FHIP1A: variants seen among roughly 807,000 people sequenced by gnomAD.
FHIP1A encodes FHF complex subunit HOOK-interacting protein 1A.
Under a neutral mutation model 88.6 loss-of-function variants are expected in FHIP1A, and 61 were observed. The observed-to-expected ratio is 0.69, with a 90% CI of 0.56 to 0.85. The LOEUF is 0.85. Among genes scored for constraint, FHIP1A ranks in the 40% least tolerant of loss-of-function variants. The pLI is 0.00. For missense variants in FHIP1A, 1,154 were observed against 1,273.5 expected (o/e 0.91, Z 1.43); for synonymous variants, 478 against 496.0 (o/e 0.96, Z 0.48).
At chr4:151,648,163 G>A (rs1235736349) in intron 10 of FHIP1A, among the ~76,000 whole-genome samples, 1 of 152,166 alleles carries the variant, frequency 6.6e-6, no homozygotes, top group Non-Finnish European at 1.5e-5. Context: ...CTTAGGTTCT[G>A]CATCTTGGTT....
At chr4:151,497,319 G>A (rs1351697371) in intron 3 of FHIP1A, among the ~76,000 whole-genome samples, 8 of 152,154 alleles carry the variant, frequency 5.3e-5, no homozygotes, top group Non-Finnish European at 8.8e-5. Flanking sequence ...TATTCGAAGA[G>A]TGGGAATTAG....
chr4:151,424,591 C>G (rs762060075), intron 1 of FHIP1A, among the ~76,000 whole-genome samples: 26 of 152,126 alleles, frequency 1.7e-4, no homozygotes, highest in Non-Finnish European at 3.1e-4. Context: ...CTAAGGACTA[C>G]ATCAGATTGA....
At chr4:151,544,520 G>A (rs906193240) in intron 3 of FHIP1A, among the ~76,000 whole-genome samples, 1 of 152,160 alleles carries the variant, frequency 6.6e-6, no homozygotes, top group African/African-American at 2.4e-5. Flanking sequence ...CTTCCCAGGT[G>A]CCACTGTTTA....
At chr4:151,629,903 C>A (rs773868474) in intron 8 of FHIP1A, 34 bp downstream of exon 8, 1 of 1,518,862 alleles carries the variant, frequency 6.6e-7, no homozygotes, top group South Asian at 1.2e-5. Context: ...GAACTTACAA[C>A]TCAGAACAGA....
intron 4 of FHIP1A, among the ~76,000 whole-genome samples, chr4:151,567,734 T>C (rs558146638): frequency 3.3e-5 from 5 of 152,324 alleles, no homozygotes; most frequent in African/African-American, 1.2e-4. Flanking sequence ...TGTTTTGTGT[T>C]TAAAACGTAC....
intron 7 of FHIP1A, among the ~76,000 whole-genome samples, chr4:151,626,143 C>T (rs1197639685): frequency 6.6e-6 from 1 of 152,146 alleles, no homozygotes; most frequent in Non-Finnish European, 1.5e-5. Flanking sequence ...AATATGTATA[C>T]ACAAGTTTGA....
chr4:151,589,980 A>G (rs1421140765), intron 7 of FHIP1A, among the ~76,000 whole-genome samples: 1 of 152,240 alleles, frequency 6.6e-6, no homozygotes, highest in East Asian at 1.9e-4. Flanking sequence ...TTAGTAGTTT[A>G]TGGGCACAAA....
chr4:151,424,011 T>C (rs1733272596), intron 1 of FHIP1A, among the ~76,000 whole-genome samples: 1 of 152,086 alleles, frequency 6.6e-6, no homozygotes, highest in African/African-American at 2.4e-5. Context: ...AGAAGTGAGG[T>C]AGTTCTCAGG....
Position 151,585,196 on chromosome 4 carries a change from C to G in FHIP1A, c.733-1445C>G, listed in dbSNP as rs185461927. ...TTGTAGCTGGCTTTTTTTTTTCTTTCGAGGCACTCCAGCTCTGTCGGCCAG... is the reference window on the plus strand; with the variant it reads ...TTGTAGCTGGCTTTTTTTTTTCTTTGGAGGCACTCCAGCTCTGTCGGCCAG... On this transcript the variant is annotated intron_variant, in intron 5 of 13. Transcript: ENST00000435205. 5.3e-3 allele frequency among the ~76,000 whole-genome samples: 793 copies of G among 150,482 alleles called. 4 individuals are homozygous for G. The highest frequency in any genetic ancestry group is 8.0e-3 in the Non-Finnish European group (538 of 67,668).
intron 3 of FHIP1A, among the ~76,000 whole-genome samples, chr4:151,506,847 C>G (rs1480842547): frequency 6.6e-6 from 1 of 152,042 alleles, no homozygotes; most frequent in Non-Finnish European, 1.5e-5. Flanking sequence ...AAATATGAAA[C>G]CAGTTATGTA....
chr4:151,659,819 C>T (rs1737385751), intron 13 of FHIP1A, among the ~76,000 whole-genome samples: 1 of 152,206 alleles, frequency 6.6e-6, no homozygotes, highest in South Asian at 2.1e-4. Context: ...ATGCTTCCAA[C>T]AGCAGTAAAA....
At chr4:151,494,713 A>C (rs765808707) in intron 3 of FHIP1A, among the ~76,000 whole-genome samples, 1 of 152,176 alleles carries the variant, frequency 6.6e-6, no homozygotes, top group Admixed American at 6.5e-5. Flanking sequence ...GAAGAATGTC[A>C]TTGGTAGTTT....
At chr4:151,551,414 C>T (rs1338077009) in intron 3 of FHIP1A, among the ~76,000 whole-genome samples, 2 of 152,186 alleles carry the variant, frequency 1.3e-5, no homozygotes, top group Non-Finnish European at 2.9e-5. Flanking sequence ...GGAGACATCA[C>T]ACTACCTGAC....
intron 3 of FHIP1A, among the ~76,000 whole-genome samples, chr4:151,550,606 T>A (rs1050853968): frequency 6.6e-5 from 10 of 152,194 alleles, no homozygotes; most frequent in Admixed American, 6.5e-4. Context: ...CTAGCAAAGG[T>A]AATATTCTTT....
At chr4:151,556,814 A>G (rs991334976) in intron 3 of FHIP1A, among the ~76,000 whole-genome samples, 2 of 152,178 alleles carry the variant, frequency 1.3e-5, no homozygotes. Flanking sequence ...CCGCTCTCAT[A>G]GTGTGGGTAT....
At chr4:151,467,078 C>T (rs1000164007) in intron 2 of FHIP1A, among the ~76,000 whole-genome samples, 28 of 152,176 alleles carry the variant, frequency 1.8e-4, no homozygotes, top group South Asian at 2.1e-4. Context: ...GCAGTCTACT[C>T]ATCTGACAAA....
At chr4:151,496,155 T>C (rs1338802821) in intron 3 of FHIP1A, among the ~76,000 whole-genome samples, 2 of 151,660 alleles carry the variant, frequency 1.3e-5, no homozygotes, top group African/African-American at 4.8e-5. Context: ...CTGCATTTGT[T>C]TAGAGATATT....
At chr4:151,541,513 G>T (rs540723473) in intron 3 of FHIP1A, among the ~76,000 whole-genome samples, 2 of 152,180 alleles carry the variant, frequency 1.3e-5, no homozygotes, top group East Asian at 1.9e-4. Context: ...TGCATGCCAA[G>T]TACTGCTGGG....
chr4:151,450,642 G>T (rs1043429994), intron 1 of FHIP1A, among the ~76,000 whole-genome samples: 1 of 152,132 alleles, frequency 6.6e-6, no homozygotes, highest in African/African-American at 2.4e-5. Context: ...AGGCCAATTT[G>T]CTCTCCAAAA....
Sources: allele counts gnomAD v4.1 joint callset (sites outside exome capture counted in the v4.1 genomes callset), GRCh38; gene constraint gnomAD v4.1.1; transcripts MANE v1.5; gene names NCBI Gene and HGNC (gene_info 2026-07-23, HGNC 2026-07-21).